STPG2: variants seen among roughly 807,000 people sequenced by gnomAD.
STPG2 encodes the protein sperm-tail PG-rich repeat-containing protein 2.
Under a neutral mutation model 54.2 loss-of-function variants are expected in STPG2, and 56 were observed. The ratio of observed to expected loss-of-function variants is 1.03; its 90% CI spans 0.83 to 1.29. The LOEUF (loss-of-function observed/expected upper bound fraction) is 1.29. Among genes scored for constraint, STPG2 ranks in the 50% most tolerant of loss-of-function variants. The pLI is 0.00. For missense variants in STPG2, 596 were observed against 544.9 expected (o/e 1.09, Z -0.93); for synonymous variants, 200 against 181.8 (o/e 1.10, Z -0.81).
At chr4:97,859,666 T>C (rs1489795296) in intron 8 of STPG2, among the ~76,000 whole-genome samples, 1 of 152,128 alleles carries the variant, frequency 6.6e-6, no homozygotes, top group African/African-American at 2.4e-5. Flanking sequence ...GGATTCACCA[T>C]GTTGGCCAGG....
intron 10 of STPG2, among the ~76,000 whole-genome samples, chr4:97,675,037 C>G (rs563738073): frequency 3.2e-4 from 49 of 152,058 alleles, no homozygotes; most frequent in African/African-American, 1.0e-3. Context: ...AAGTTTTGCT[C>G]TTGTTGCCCA....
chr4:97,476,603 T>C (rs1730078083), intron 4 of STPG2, among the ~76,000 whole-genome samples: 1 of 152,176 alleles, frequency 6.6e-6, no homozygotes, highest in Non-Finnish European at 1.5e-5. Context: ...TTAATGGAAA[T>C]AAGATTAGTG....
At chr4:97,928,191 T>C (rs1248850614) in intron 8 of STPG2, among the ~76,000 whole-genome samples, 1 of 152,146 alleles carries the variant, frequency 6.6e-6, no homozygotes, top group Non-Finnish European at 1.5e-5. Context: ...TGAGAGGCCC[T>C]CCTTGGCCAT....
At chr4:97,566,515 C>T (rs1003671073) in intron 10 of STPG2, among the ~76,000 whole-genome samples, 19 of 152,180 alleles carry the variant, frequency 1.2e-4, no homozygotes, top group Admixed American at 2.0e-4. Context: ...GCAGAAATCA[C>T]CCGTCTTCTG....
At chr4:97,494,449 C>G (rs1333435373) in intron 4 of STPG2, among the ~76,000 whole-genome samples, 1 of 151,492 alleles carries the variant, frequency 6.6e-6, no homozygotes, top group Non-Finnish European at 1.5e-5. Flanking sequence ...TGCTGTGAAC[C>G]TGTGATGTTT....
intron 10 of STPG2, among the ~76,000 whole-genome samples, chr4:97,639,809 T>C (rs1460529293): frequency 6.6e-6 from 1 of 151,868 alleles, no homozygotes. Flanking sequence ...AAAGGAACCA[T>C]TTGGGAATAT....
intron 5 of STPG2, among the ~76,000 whole-genome samples, chr4:98,074,483 CA>C (rs35679266): frequency 0.39 from 59,816 of 151,670 alleles, 11,964 homozygotes; most frequent in Middle Eastern, 0.46. Context: ...TCCCTTTTGG[CA>C]TATGACCATC....
intron 10 of STPG2, among the ~76,000 whole-genome samples, chr4:97,711,906 G>C (rs993239689): frequency 6.6e-6 from 1 of 151,846 alleles, no homozygotes; most frequent in Non-Finnish European, 1.5e-5. Flanking sequence ...CTGACCTCAA[G>C]TATCTGCCCG....
intron 9 of STPG2, among the ~76,000 whole-genome samples, chr4:97,721,441 G>A (rs1560501622): frequency 6.6e-6 from 1 of 152,048 alleles, no homozygotes; most frequent in Non-Finnish European, 1.5e-5. Context: ...TTCAAATACT[G>A]AAAGTCAAGA....
At chr4:98,063,500 A>G (rs1190311886) in intron 5 of STPG2, among the ~76,000 whole-genome samples, 1 of 152,160 alleles carries the variant, frequency 6.6e-6, no homozygotes, top group Admixed American at 6.5e-5. Flanking sequence ...TGAAAATAAA[A>G]TCACAACCTA....
rs113408234 is a variant in STPG2, at chr4:97,862,079, C to A, written c.1045-21147G>T. The stretch of plus-strand genomic sequence containing the variant: ...TCAAATTCACACATAACAATATTAA[C>A]CTTAAATGTAAATGGGCTAAATTAC... On this transcript the variant is annotated intron_variant, in intron 8 of 10. Coordinates refer to ENST00000295268, the MANE Select transcript of STPG2 (RefSeq NM_174952.3). Among the ~76,000 whole-genome samples, 575 of 152,068 alleles carry A rather than the reference C, an allele frequency of 3.8e-3. 5 individuals are homozygous for A. Among genetic ancestry groups the A allele is most frequent in the Non-Finnish European group, 6.3e-3 (431 of 67,984 alleles).
intron 9 of STPG2, among the ~76,000 whole-genome samples, chr4:97,819,242 G>T (rs1236637128): frequency 6.6e-6 from 1 of 151,788 alleles, no homozygotes; most frequent in Non-Finnish European, 1.5e-5. Flanking sequence ...ACAGCACTCA[G>T]CAAGAGTGAT....
At chr4:98,099,007 G>C (rs1272988455) in intron 5 of STPG2, among the ~76,000 whole-genome samples, 1 of 152,054 alleles carries the variant, frequency 6.6e-6, no homozygotes, top group Non-Finnish European at 1.5e-5. Flanking sequence ...TACACTGATG[G>C]TGGGAATGTA....
At chr4:97,678,101 T>A (rs1383344553) in intron 10 of STPG2, among the ~76,000 whole-genome samples, 2 of 151,754 alleles carry the variant, frequency 1.3e-5, no homozygotes, top group African/African-American at 4.8e-5. Context: ...AAAAAAAAAA[T>A]AAATGAAATT....
At chr4:97,474,318 C>T (rs766381605) in intron 4 of STPG2, among the ~76,000 whole-genome samples, 3 of 151,702 alleles carry the variant, frequency 2.0e-5, no homozygotes, top group Non-Finnish European at 2.9e-5. Context: ...TTGCATTTTC[C>T]ATTTCATTGT....
intron 4 of STPG2, among the ~76,000 whole-genome samples, chr4:97,471,066 AGG>A (rs1265174831): frequency 6.6e-6 from 1 of 152,184 alleles, no homozygotes; most frequent in South Asian, 2.1e-4. Flanking sequence ...CACTGGACAA[AGG>A]GATGACTGAC....
intron 4 of STPG2, among the ~76,000 whole-genome samples, chr4:97,530,498 ATGTGTGTG>A (rs538280530): frequency 1.2e-4 from 18 of 149,234 alleles, no homozygotes; most frequent in Non-Finnish European, 3.0e-5. Flanking sequence ...GAAAACCAAA[ATGTGTGTG>A]TGTGTGTGTG....
At chr4:97,590,526 GACAA>G (rs1423880029) in intron 10 of STPG2, among the ~76,000 whole-genome samples, 1 of 151,970 alleles carries the variant, frequency 6.6e-6, no homozygotes, top group African/African-American at 2.4e-5. Flanking sequence ...AGAAATGATA[GACAA>G]ACTGGAAATC....
At chr4:97,618,138 C>A (rs1463455486) in intron 10 of STPG2, among the ~76,000 whole-genome samples, 1 of 152,130 alleles carries the variant, frequency 6.6e-6, no homozygotes, top group East Asian at 1.9e-4. Flanking sequence ...CTTGGCCTGT[C>A]TTACTGATAG....
Sources: gnomAD v4.1 joint callset for allele counts (sites outside exome capture counted in the v4.1 genomes callset) on GRCh38, gnomAD v4.1.1 for gene constraint, MANE v1.5 for transcripts, NCBI Gene and HGNC (gene_info 2026-07-23, HGNC 2026-07-21) for gene names.